Variants in SNTB1 observed in about 807,000 individuals in gnomAD.
SNTB1 encodes the protein beta-1-syntrophin.
SNTB1 carries 36 observed loss-of-function variants against 48.9 expected under a neutral mutation model. The observed-to-expected ratio is 0.74, with a 90% CI of 0.56 to 0.97. The LOEUF (loss-of-function observed/expected upper bound fraction) is 0.97, where lower values mean the gene tolerates loss of function less well. Among genes scored for constraint, SNTB1 ranks in the 50% least tolerant of loss-of-function variants. The pLI is 0.00. For missense variants in SNTB1, 786 were observed against 703.4 expected, an observed-to-expected ratio of 1.12 and a Z score of -1.33; for synonymous variants, 299 against 294.6, an observed-to-expected ratio of 1.01 and a Z score of -0.15.
chr8:120,680,636 G>C (rs948704413), intron 2 of SNTB1, among the ~76,000 whole-genome samples: 2 of 152,150 alleles, frequency 1.3e-5, no homozygotes, highest in Admixed American at 6.5e-5. Context: ...GAATCTCCAG[G>C]CTAGGTGATG....
intron 3 of SNTB1, among the ~76,000 whole-genome samples, chr8:120,590,480 T>C (rs1051924272): frequency 4.6e-5 from 7 of 152,102 alleles, no homozygotes; most frequent in East Asian, 1.9e-4. Flanking sequence ...AAACATTATA[T>C]AGAGTACTTG....
intron 3 of SNTB1, among the ~76,000 whole-genome samples, chr8:120,624,508 C>G (rs148390193): frequency 6.6e-6 from 1 of 152,180 alleles, no homozygotes; most frequent in East Asian, 1.9e-4. Context: ...ACCTAATCAT[C>G]TCTTAAAGGT....
intron 3 of SNTB1, among the ~76,000 whole-genome samples, chr8:120,596,443 A>G (rs150471136): frequency 1.2e-4 from 18 of 152,346 alleles, no homozygotes; most frequent in Admixed American, 1.0e-3. Flanking sequence ...CTACAAACCA[A>G]TCATGACCCA....
At chr8:120,687,218 T>C (rs149140736) in intron 2 of SNTB1, among the ~76,000 whole-genome samples, 3,219 of 152,278 alleles carry the variant, frequency 0.021, 116 homozygotes, top group African/African-American at 0.073. Flanking sequence ...CCAAAGACCA[T>C]CTGTCTATGA....
intron 3 of SNTB1, among the ~76,000 whole-genome samples, chr8:120,598,362 T>C (rs373950895): frequency 9.9e-5 from 15 of 152,228 alleles, no homozygotes; most frequent in African/African-American, 3.6e-4. Context: ...CCAGCCCCAC[T>C]TCTTTATGCG....
chr8:120,612,215 T>C (rs181824306), intron 3 of SNTB1, among the ~76,000 whole-genome samples: 62 of 152,374 alleles, frequency 4.1e-4, no homozygotes, highest in Non-Finnish European at 7.6e-4. Context: ...AATGAGATCT[T>C]ATAATATCAG....
At chr8:120,547,251 A>G (rs1190097131) in intron 5 of SNTB1, among the ~76,000 whole-genome samples, 1 of 152,210 alleles carries the variant, frequency 6.6e-6, no homozygotes, top group African/African-American at 2.4e-5. Context: ...TTTCATTTTT[A>G]AAATGCTGGT....
chr8:120,737,777 C>T (rs974183483), intron 1 of SNTB1, among the ~76,000 whole-genome samples: 2 of 152,118 alleles, frequency 1.3e-5, no homozygotes, highest in African/African-American at 4.8e-5. Context: ...TTTATCCACC[C>T]CTTTCAATTG....
chr8:120,538,866 C>T lies in SNTB1; in HGVS notation c.*11G>A, dbSNP rs1563811882. Reference sequence around the variant, plus strand: ...AGCCCTTCTTTTCTCAAAGGCAAGTCACCCCTGTCTTCAGGCCACCAAGCC... The same window carrying T: ...AGCCCTTCTTTTCTCAAAGGCAAGTTACCCCTGTCTTCAGGCCACCAAGCC... On this transcript the variant is annotated 3_prime_UTR_variant, in exon 7 of 7. Transcript: ENST00000517992. 5 of 1,609,648 alleles carry T rather than the reference C, an allele frequency of 3.1e-6. No individual in the cohort carries two copies. In the South Asian group the frequency reaches 4.4e-5, roughly 14 times the overall value.
At chr8:120,750,471 TC>T (rs1432184110) in intron 1 of SNTB1, among the ~76,000 whole-genome samples, 6 of 152,156 alleles carry the variant, frequency 3.9e-5, no homozygotes, top group African/African-American at 1.2e-4. Context: ...AAAATTCTTA[TC>T]ATTCATCAAA....
At chr8:120,594,234 G>T (rs1476971116) in intron 3 of SNTB1, among the ~76,000 whole-genome samples, 1 of 151,418 alleles carries the variant, frequency 6.6e-6, no homozygotes, top group African/African-American at 2.4e-5. Flanking sequence ...GAGCTATTAT[G>T]TATGTATGTA....
At chr8:120,612,596 C>G (rs1288309942) in intron 3 of SNTB1, among the ~76,000 whole-genome samples, 1 of 152,126 alleles carries the variant, frequency 6.6e-6, no homozygotes, top group Non-Finnish European at 1.5e-5. Context: ...TCTTGTCACC[C>G]AAGCTGGAGT....
At chr8:120,641,787 C>T (rs1314421908) in intron 2 of SNTB1, among the ~76,000 whole-genome samples, 2 of 152,136 alleles carry the variant, frequency 1.3e-5, no homozygotes, top group African/African-American at 2.4e-5. Context: ...TTTTGTATAC[C>T]CTTTCCAGTT....
At chr8:120,654,039 CAAAAAAAAAAAAA>C (rs58873007) in intron 2 of SNTB1, among the ~76,000 whole-genome samples, 15 of 25,162 alleles carry the variant, frequency 6.0e-4, no homozygotes, top group South Asian at 2.9e-3. Context: ...GACTCTGCCT[CAAAAAAAAAAAAA>C]AAAAAAAAAA....
chr8:120,623,903 T>C (rs4604483), intron 3 of SNTB1, among the ~76,000 whole-genome samples: 97,877 of 152,012 alleles, frequency 0.64, 32,516 homozygotes, highest in East Asian at 0.76. Flanking sequence ...TTTGTGTTGC[T>C]GCAACAGAGT....
At chr8:120,591,649 T>G (rs1587013289) in intron 3 of SNTB1, among the ~76,000 whole-genome samples, 1 of 152,220 alleles carries the variant, frequency 6.6e-6, no homozygotes, top group Non-Finnish European at 1.5e-5. Flanking sequence ...ATGCTTCTTT[T>G]GCACCTATTC....
chr8:120,711,879 T>G (rs1297829767), intron 1 of SNTB1, among the ~76,000 whole-genome samples: 1 of 152,186 alleles, frequency 6.6e-6, no homozygotes, highest in Non-Finnish European at 1.5e-5. Flanking sequence ...ATTCATTTTC[T>G]TTTCTTTTTT....
intron 1 of SNTB1, among the ~76,000 whole-genome samples, chr8:120,761,927 G>A (rs1819427746): frequency 6.6e-6 from 1 of 152,216 alleles, no homozygotes; most frequent in South Asian, 2.1e-4. Context: ...AGCAGTCTGT[G>A]TATTTCAGCT....
At chr8:120,633,947 G>A (rs964963555) in intron 2 of SNTB1, among the ~76,000 whole-genome samples, 2 of 151,876 alleles carry the variant, frequency 1.3e-5, no homozygotes, top group South Asian at 2.1e-4. Flanking sequence ...TTTTTTTCAC[G>A]TGTAGATTTG....
Sources: gnomAD v4.1 joint callset for allele counts (sites outside exome capture counted in the v4.1 genomes callset) on GRCh38, gnomAD v4.1.1 for gene constraint, MANE v1.5 for transcripts, NCBI Gene and HGNC (gene_info 2026-07-23, HGNC 2026-07-21) for gene names.